Variants in KHDC3L observed in about 807,000 individuals in gnomAD.
The protein encoded by KHDC3L is KH domain-containing protein 3.
In KHDC3L, 6 loss-of-function variants were observed where a neutral mutation model predicts 11.4. That is an observed-to-expected ratio of 0.52 (90% confidence interval 0.29 to 1.03). The LOEUF (loss-of-function observed/expected upper bound fraction) is 1.03. KHDC3L is among the 50% of genes least tolerant of loss of function. KHDC3L has a pLI of 0.09. For missense variants in KHDC3L, 293 were observed against 290.4 expected (o/e 1.01, Z -0.07); for synonymous variants, 127 against 120.9 (o/e 1.05, Z -0.33).
intron 1 of KHDC3L, 86 bp downstream of exon 1, chr6:73,362,984 G>C: frequency 6.2e-7 from 1 of 1,606,856 alleles, no homozygotes; most frequent in Non-Finnish European, 8.5e-7. Context: ...TGCGTTCCAG[G>C]GCGATCCTCA....
rs368252944 is a variant in KHDC3L, at chr6:73,363,725, G to A, written c.519G>A (p.Glu173=). The change falls in exon 3 of 3, where the codon GAG becomes GAA. Residue 173 remains glutamate, a synonymous_variant. Coordinates refer to ENST00000370367, the MANE Select transcript of KHDC3L (RefSeq NM_001017361.3). ...QEVGTQGSPV[E]VQEAGTQQSL... ...TCGGGACACAGGGTTCTCCGGTGGA[G>A]GTGCAGGAGGCCGGGACCCAGCAGT... The A allele has an allele frequency of 5.6e-6, 9 of 1,612,904 alleles. No homozygotes were observed. The highest frequency in any genetic ancestry group is 6.8e-6 in the Non-Finnish European group (8 of 1,179,954).
chr6:73,363,913 G>C lies in KHDC3L; in HGVS notation c.*53G>C. On this transcript the variant is annotated 3_prime_UTR_variant, in exon 3 of 3. Coordinates refer to ENST00000370367, the MANE Select transcript of KHDC3L (RefSeq NM_001017361.3). ...CAGTCAGGGGTTAAAGTGAAAGCCCGTATTTCCGCCCAGAAGCTGGGGTTG... is the reference window on the plus strand; with the variant it reads ...CAGTCAGGGGTTAAAGTGAAAGCCCCTATTTCCGCCCAGAAGCTGGGGTTG... 6.4e-7 allele frequency: 1 copy of C among 1,569,426 alleles called. No homozygotes were observed. Among genetic ancestry groups the C allele is most frequent in the South Asian group, 1.1e-5 (1 of 90,262 alleles).
At chr6:73,363,479 G>A (rs1356676358) in intron 2 of KHDC3L, 77 bp from the exon 3 acceptor site, 3 of 1,539,096 alleles carry the variant, frequency 1.9e-6, no homozygotes, top group African/African-American at 2.7e-5. Flanking sequence ...ACTCCCGCAG[G>A]CCGCTTGGGT....
In KHDC3L at chr6:73,362,819, G is replaced by T. The variant is rs1380010571; in HGVS notation, c.90G>T (p.Arg30=). The T allele has an allele frequency of 6.2e-7, 1 of 1,614,070 alleles. No homozygotes were observed. Among genetic ancestry groups the T allele is most frequent in the East Asian group, 2.2e-5 (1 of 44,888 alleles). The change falls in exon 1 of 3, where the codon CGG becomes CGT. Residue 30 remains arginine, a synonymous_variant. Transcript: ENST00000370367. ...PVEVLGHLPK[R]FSWFHSEFLK... is the part of the protein sequence containing the mutation. ...AGGTGCTCGGTCACCTCCCTAAGCG[G>T]TTCTCCTGGTTCCACTCTGAGTTCC...
At position 73,364,042 on chromosome 6, in the gene KHDC3L, T is replaced by A. The variant is rs1158881307; in HGVS notation, c.*182T>A. 4 of 664,620 alleles carry A rather than the reference T, an allele frequency of 6.0e-6. No individual in the cohort carries two copies. Among genetic ancestry groups the A allele is most frequent in the Non-Finnish European group, 1.1e-5 (4 of 379,244 alleles). The allele number at this position is 664,620 out of a possible 1,614,324, so 41.2% of individuals were successfully genotyped here. A position where few individuals can be genotyped will look rare whatever the true frequency, so the allele number is the denominator to read the frequency against. On this transcript the variant is annotated 3_prime_UTR_variant, in exon 3 of 3. Transcript: ENST00000370367. ...GCAAAGTGGAAGCCCGCCCCCCGCC[T>A]CCCCCCCGCCTCACTTAAGTCCAGG...
In KHDC3L at chr6:73,363,220, ACAAT is replaced by A. The variant is rs606231286; in HGVS notation, c.299_302del (p.Ile100ArgfsTer2). 1 of 1,614,182 alleles carries A rather than the reference ACAAT, an allele frequency of 6.2e-7. No homozygotes were observed. On this transcript the variant is annotated frameshift_variant, in exon 2 of 3. Transcript: ENST00000370367. LOFTEE classifies it high-confidence loss of function. ...TGGGAGGCCTTCTTACCAGGAGGAC[ACAAT>A]CAAGATGATCATGAACCTGGCTGAC...
rs758082018 is a variant in KHDC3L, at chr6:73,363,711, G to A, written c.505G>A (p.Gly169Ser). The change falls in exon 3 of 3, where the codon GGT (glycine) becomes AGT (serine). Residue 169 changes from glycine (G) to serine (S), a missense_variant. By Grantham distance (56) the Gly-to-Ser change is moderately conservative. Transcript: ENST00000370367. ...SVEVQEVGTQ[G>S]SPVEVQEAGT... Reference sequence around the variant, plus strand: ...GGAAGTCCAGGAGGTCGGGACACAGGGTTCTCCGGTGGAGGTGCAGGAGGC... The same window carrying A: ...GGAAGTCCAGGAGGTCGGGACACAGAGTTCTCCGGTGGAGGTGCAGGAGGC... The A allele has an allele frequency of 2.5e-6, 4 of 1,612,580 alleles. No individual in the cohort carries two copies. Among genetic ancestry groups the A allele is most frequent in the Admixed American group, 3.3e-5 (2 of 59,950 alleles).
In KHDC3L at chr6:73,363,604, C is replaced by T. The variant is rs151102141; in HGVS notation, c.398C>T (p.Thr133Ile). Residue 133 changes from threonine (T) to isoleucine (I), a missense_variant, in exon 3 of 3, where the codon ACC (threonine) becomes ATC (isoleucine). Physicochemically the swap from Thr to Ile is moderately conservative, Grantham distance 89. Coordinates refer to ENST00000370367, the MANE Select transcript of KHDC3L (RefSeq NM_001017361.3). ...GATGTCGCCACTCAGAAGGCCGAGA[C>T]CCAGCGGTCTTCAATAGAAGTCCGG... is the stretch of plus-strand genomic sequence containing the variant. Reference protein sequence around the residue: ...AQDVATQKAETQRSSIEVREA... With the variant: ...AQDVATQKAEIQRSSIEVREA... The T allele has an allele frequency of 6.0e-5, 96 of 1,612,820 alleles. No homozygotes were observed. In the African/African-American group the frequency reaches 1.2e-3, roughly 20 times the overall value.
chr6:73,364,100 T>A lies in KHDC3L; in HGVS notation c.*240T>A. ...GGTGGCGAGGAAGGATGATGTGGAT[T>A]GTTTTTGTTTTACACCTTCTGTTGA... is the stretch of plus-strand genomic sequence containing the variant. On this transcript the variant is annotated 3_prime_UTR_variant, in exon 3 of 3. Transcript: ENST00000370367. 1 of 590,338 alleles carries A rather than the reference T, an allele frequency of 1.7e-6. No individual in the cohort carries two copies. The highest frequency in any genetic ancestry group is 2.0e-5 in the South Asian group (1 of 50,278). 36.6% of individuals were successfully genotyped at this position (590,338 alleles called of 1,614,324 possible).
chr6:73,363,283 C>T lies in KHDC3L; in HGVS notation c.349+9C>T, dbSNP rs1768902748. 6.2e-7 allele frequency: 1 copy of T among 1,613,872 alleles called. No individual in the cohort carries two copies. The highest frequency in any genetic ancestry group is 8.5e-7 in the Non-Finnish European group (1 of 1,179,910). ...CCAGCTCCAGGCGAAAGGTACGGGG[C>T]TGGGAATAGGGCTACCTGGAGCAAA... On this transcript the variant is annotated intron_variant, in intron 2 of 2. Transcript: ENST00000370367.
At chr6:73,363,382 C>T in intron 2 of KHDC3L, 108 bp downstream of exon 2, 2 of 1,415,086 alleles carry the variant, frequency 1.4e-6, no homozygotes, top group Non-Finnish European at 2.0e-6. Flanking sequence ...AGTCGGCCTG[C>T]GGTTGGTGGG....
At position 73,363,786 on chromosome 6, in the gene KHDC3L, T is replaced by C; in HGVS notation, c.580T>C (p.Ser194Pro). The change falls in exon 3 of 3, where the codon TCC (serine) becomes CCC (proline). Residue 194 changes from serine (S) to proline (P), a missense_variant. Transcript: ENST00000370367. ...TGCCAACAAGTCGGGGACCCAGCGA[T>C]CCCCCGAAGCTGCCAGCAAGGCAGT... Reference protein sequence around the residue: ...QAANKSGTQRSPEAASKAVTQ... With the variant: ...QAANKSGTQRPPEAASKAVTQ... 6.2e-7 allele frequency: 1 copy of C among 1,612,304 alleles called. No individual in the cohort carries two copies. Among genetic ancestry groups the C allele is most frequent in the East Asian group, 2.2e-5 (1 of 44,804 alleles).
At position 73,363,772 on chromosome 6, in the gene KHDC3L, C is replaced by T. The variant is rs868642236; in HGVS notation, c.566C>T (p.Ser189Leu). The T allele has an allele frequency of 2.5e-6, 4 of 1,612,944 alleles. No homozygotes were observed. In the African/African-American group the frequency reaches 4.0e-5, roughly 16 times the overall value. The stretch of plus-strand genomic sequence containing the variant: ...CAGTCTCTCCAGGCTGCCAACAAGT[C>T]GGGGACCCAGCGATCCCCCGAAGCT... ...TQQSLQAANK[S>L]GTQRSPEAAS... The change falls in exon 3 of 3, where the codon TCG becomes TTG. Residue 189 changes from serine (S) to leucine (L), a missense_variant. By Grantham distance (145) the Ser-to-Leu change is moderately radical (BLOSUM62 -2). Transcript: ENST00000370367.
chr6:73,363,779 C>T lies in KHDC3L; in HGVS notation c.573C>T (p.Thr191=), dbSNP rs1309455824. The T allele has an allele frequency of 1.2e-6, 2 of 1,612,760 alleles. No homozygotes were observed. The highest frequency in any genetic ancestry group is 2.2e-5 in the East Asian group (1 of 44,826). ...TCCAGGCTGCCAACAAGTCGGGGAC[C>T]CAGCGATCCCCCGAAGCTGCCAGCA... is the stretch of plus-strand genomic sequence containing the variant. ...QSLQAANKSG[T]QRSPEAASKA... The change falls in exon 3 of 3, where the codon ACC becomes ACT. Residue 191 remains threonine, a synonymous_variant. Transcript: ENST00000370367.
In KHDC3L at chr6:73,363,261, G is replaced by A; in HGVS notation, c.336G>A (p.Gln112=). ...TGAACCTGGCTGACTATCACCGCCA[G>A]CTCCAGGCGAAAGGTACGGGGCTGG... The part of the protein sequence containing the change: ...MIMNLADYHR[Q]LQAKGSGKAL... The change falls in exon 2 of 3, where the codon CAG becomes CAA. Residue 112 remains glutamine, a synonymous_variant. Transcript: ENST00000370367. The A allele has an allele frequency of 6.2e-7, 1 of 1,614,162 alleles. No homozygotes were observed. The highest frequency in any genetic ancestry group is 8.5e-7 in the Non-Finnish European group (1 of 1,180,020).
chr6:73,363,466 C>T (rs1768905519), intron 2 of KHDC3L, 90 bp from the exon 3 acceptor site: 1 of 1,502,124 alleles, frequency 6.7e-7, no homozygotes, highest in South Asian at 1.2e-5. Context: ...ATTTCTGGCT[C>T]CTACTCCCGC....
Position 73,364,155 on chromosome 6 carries a change from T to C in KHDC3L, c.*295T>C. The C allele has an allele frequency of 8.1e-6, 4 of 492,680 alleles. No homozygotes were observed. Among genetic ancestry groups the C allele is most frequent in the South Asian group, 4.2e-5 (2 of 47,960 alleles). 30.5% of individuals were successfully genotyped at this position (492,680 alleles called of 1,614,324 possible). ...TTGCCAACACAAACTTGAGTTCTAATAAATAATTGCATTTCCCTAACGTCT... is the reference window on the plus strand; with the variant it reads ...TTGCCAACACAAACTTGAGTTCTAACAAATAATTGCATTTCCCTAACGTCT... On this transcript the variant is annotated 3_prime_UTR_variant, in exon 3 of 3. Transcript: ENST00000370367.
rs746993238 is a variant in KHDC3L, at chr6:73,363,645, C to G, written c.439C>G (p.Arg147Gly). The change falls in exon 3 of 3, where the codon CGT (arginine) becomes GGT (glycine). Residue 147 changes from arginine (R) to glycine (G), a missense_variant. Coordinates refer to ENST00000370367, the MANE Select transcript of KHDC3L (RefSeq NM_001017361.3). ...SIEVREAGTQ[R>G]SVEVREAGTQ... ...AGAAGTCCGGGAGGCCGGGACGCAG[C>G]GTTCGGTGGAGGTCCGGGAGGCCGG... is the stretch of plus-strand genomic sequence containing the variant. 4 of 1,612,916 alleles carry G rather than the reference C, an allele frequency of 2.5e-6. No homozygotes were observed. The highest frequency in any genetic ancestry group is 3.4e-6 in the Non-Finnish European group (4 of 1,179,306).
Position 73,363,279 on chromosome 6 carries a change from G to A in KHDC3L, c.349+5G>A, listed in dbSNP as rs776273896. On this transcript the variant is annotated splice_donor_5th_base_variant and intron_variant, in intron 2 of 2. Coordinates refer to ENST00000370367, the MANE Select transcript of KHDC3L (RefSeq NM_001017361.3). ...ACCGCCAGCTCCAGGCGAAAGGTAC[G>A]GGGCTGGGAATAGGGCTACCTGGAG... is the stretch of plus-strand genomic sequence containing the variant. 19 of 1,613,856 alleles carry A rather than the reference G, an allele frequency of 1.2e-5. 1 individual carries two copies. The highest frequency in any genetic ancestry group is 8.3e-5 in the Admixed American group (5 of 59,998).
Sources: gnomAD v4.1 joint callset for allele counts on GRCh38, gnomAD v4.1.1 for gene constraint, MANE v1.5 for transcripts, NCBI Gene and HGNC (gene_info 2026-07-23, HGNC 2026-07-21) for gene names.